POLK: variants seen among roughly 807,000 people sequenced by gnomAD.
POLK encodes DNA polymerase kappa, also known as polymerase (DNA directed) kappa.
A neutral mutation model predicts 94.0 loss-of-function variants in POLK; 76 were observed. The ratio of observed to expected loss-of-function variants is 0.81; its 90% CI spans 0.67 to 0.98. The LOEUF (loss-of-function observed/expected upper bound fraction) is 0.98, where lower values mean the gene tolerates loss of function less well. POLK is among the 50% of genes least tolerant of loss of function. POLK has a pLI of 0.00. For missense variants in POLK, 954 were observed against 1,010.1 expected (o/e 0.94, Z 0.75); for synonymous variants, 349 against 325.4 (o/e 1.07, Z -0.78).
At chr5:75,522,541 T>C (rs903278182) in intron 1 of POLK, among the ~76,000 whole-genome samples, 4 of 152,242 alleles carry the variant, frequency 2.6e-5, no homozygotes, top group Non-Finnish European at 5.9e-5. Flanking sequence ...AAAATGAGGT[T>C]TCTATGCTTT....
chr5:75,571,261 T>C (rs189319797), intron 4 of POLK, among the ~76,000 whole-genome samples: 27 of 152,290 alleles, frequency 1.8e-4, no homozygotes, highest in Non-Finnish European at 2.2e-4. Context: ...TGAAAGTATA[T>C]CTACAAATTA....
In POLK at chr5:75,565,799, G is replaced by A. The variant is rs187349030; in HGVS notation, c.256-3541G>A. 5.9e-5 allele frequency among the ~76,000 whole-genome samples: 9 copies of A among 152,334 alleles called. No individual in the cohort carries two copies. The East Asian group carries it at 1.7e-3, about 29-fold the overall frequency. The stretch of plus-strand genomic sequence containing the variant: ...ATCAGATGCCAGCTGGAGCTCTCCT[G>A]TATGAGGTGTCTGTCAACCCCTGCC... On this transcript the variant is annotated intron_variant, in intron 3 of 14. Coordinates refer to ENST00000241436, the Ensembl canonical transcript of POLK.
chr5:75,593,040 A>G (rs1480916103), intron 11 of POLK, among the ~76,000 whole-genome samples: 2 of 152,150 alleles, frequency 1.3e-5, no homozygotes, highest in Non-Finnish European at 2.9e-5. Context: ...TGGGCAATAG[A>G]ATGGGACCCC....
intron 1 of POLK, among the ~76,000 whole-genome samples, chr5:75,526,562 GGTTTTTTTTTT>G (rs1768854942): frequency 7.3e-6 from 1 of 136,266 alleles, no homozygotes; most frequent in African/African-American, 3.5e-5. Context: ...TGATTTAATG[GGTTTTTTTTTT>G]GTTTTTTTTT....
At chr5:75,550,871 C>T (rs1274570055) in intron 2 of POLK, among the ~76,000 whole-genome samples, 1 of 152,146 alleles carries the variant, frequency 6.6e-6, no homozygotes, top group African/African-American at 2.4e-5. Context: ...TGTCCACTCT[C>T]ACCTTTTCTA....
intron 11 of POLK, among the ~76,000 whole-genome samples, chr5:75,592,709 A>C (rs542277326): frequency 5.3e-5 from 8 of 151,890 alleles, no homozygotes; most frequent in East Asian, 3.9e-4. Flanking sequence ...AACAAAAAAA[A>C]AAACAAACAA....
At chr5:75,563,117 T>A (rs531202412) in intron 3 of POLK, among the ~76,000 whole-genome samples, 1 of 152,164 alleles carries the variant, frequency 6.6e-6, no homozygotes, top group Non-Finnish European at 1.5e-5. Flanking sequence ...TCTGGTAGAA[T>A]TCAGCTGTGA....
chr5:75,550,271 TAGGAAAGCA>T (rs1770266783), intron 2 of POLK, among the ~76,000 whole-genome samples: 1 of 152,118 alleles, frequency 6.6e-6, no homozygotes, highest in African/African-American at 2.4e-5. Context: ...GGATTTATCT[TAGGAAAGCA>T]AGGTTGGTTT....
chr5:75,590,274 T>C (rs901466064), intron 10 of POLK, 70 bp from the exon 11 acceptor site: 2 of 735,754 alleles, frequency 2.7e-6, no homozygotes, highest in African/African-American at 3.5e-5. Flanking sequence ...CATATAAACA[T>C]GCATACCATT....
chr5:75,576,740 A>C (rs532582573), intron 5 of POLK, 40 bp from the exon 6 acceptor site: 2 of 1,213,048 alleles, frequency 1.6e-6, no homozygotes, highest in Admixed American at 2.7e-5. Context: ...GAAGTTTGCT[A>C]TCACAGCAAA....
chr5:75,577,116 G>T (rs1189223750), intron 6 of POLK, among the ~76,000 whole-genome samples, 183 bp downstream of exon 6: 1 of 152,134 alleles, frequency 6.6e-6, no homozygotes, highest in Non-Finnish European at 1.5e-5. Context: ...TAAACATGTG[G>T]AATATCACAT....
At chr5:75,559,669 G>A (rs892616612) in intron 3 of POLK, among the ~76,000 whole-genome samples, 8 of 150,882 alleles carry the variant, frequency 5.3e-5, no homozygotes, top group Admixed American at 2.0e-4. Context: ...CCCAAGTAGT[G>A]GGGGGACTAT....
At chr5:75,595,924 C>G (rs1220133505) in intron 12 of POLK, among the ~76,000 whole-genome samples, 1 of 152,094 alleles carries the variant, frequency 6.6e-6, no homozygotes, top group Non-Finnish European at 1.5e-5. Context: ...AAAAAAAGAG[C>G]TAAAGAGTCT....
exon 3 of POLK, chr5:75,552,574 A>G: frequency 3.1e-6 from 5 of 1,610,048 alleles, no homozygotes; most frequent in Non-Finnish European, 4.2e-6. Flanking sequence ...CCAACAGCTA[A>G]GAAAAGCACA....
chr5:75,568,624 TA>T (rs1431418986), intron 3 of POLK: 1 of 411,420 alleles, frequency 2.4e-6, no homozygotes, highest in Non-Finnish European at 4.7e-6. Context: ...ACATATATAT[TA>T]AAGTTCATGA....
chr5:75,547,208 T>C (rs1181673196), intron 2 of POLK, 51 bp downstream of exon 2: 2 of 982,110 alleles, frequency 2.0e-6, no homozygotes, highest in Non-Finnish European at 2.8e-6. Flanking sequence ...CTTTTAACTT[T>C]CTGTTTCAAA....
chr5:75,521,185 C>G (rs2112536173), intron 1 of POLK, among the ~76,000 whole-genome samples: 1 of 152,216 alleles, frequency 6.6e-6, no homozygotes, highest in East Asian at 1.9e-4. Context: ...TTTGAATAAA[C>G]TTTCTACTCC....
At chr5:75,602,672 T>C (rs1211434897), downstream of POLK, among the ~76,000 whole-genome samples, 4 of 152,254 alleles carry the variant, frequency 2.6e-5, no homozygotes, top group African/African-American at 9.6e-5. Context: ...GGATGGGCTA[T>C]GCGTTTTGAA....
chr5:75,541,307 A>T (rs566380410), intron 1 of POLK, among the ~76,000 whole-genome samples: 1 of 152,090 alleles, frequency 6.6e-6, no homozygotes, highest in African/African-American at 2.4e-5. Context: ...TCAAAAAAAA[A>T]CCAAAAAACA....
Sources: gnomAD v4.1 joint callset for allele counts (sites outside exome capture counted in the v4.1 genomes callset) on GRCh38, gnomAD v4.1.1 for gene constraint, MANE v1.5 for transcripts, NCBI Gene and HGNC (gene_info 2026-07-23, HGNC 2026-07-21) for gene names.